Variants in PLEKHA5 observed in about 807,000 individuals in gnomAD.
PLEKHA5 encodes the protein pleckstrin homology domain-containing family A member 5.
PLEKHA5 carries 55 observed loss-of-function variants against 181.9 expected under a neutral mutation model. The ratio of observed to expected loss-of-function variants is 0.30; its 90% confidence interval spans 0.24 to 0.38. PLEKHA5 has a LOEUF of 0.38. Ranked by LOEUF, PLEKHA5 falls within the 10% of genes least tolerant of loss-of-function variation. The pLI, the probability that PLEKHA5 is intolerant of heterozygous loss-of-function variation, is 1.00. For missense variants in PLEKHA5, 1,432 were observed against 1,549.5 expected, an observed-to-expected ratio of 0.92 and a Z score of 1.27; for synonymous variants, 535 against 529.4, an observed-to-expected ratio of 1.01 and a Z score of -0.15.
At position 19,254,042 on chromosome 12, in the gene PLEKHA5, G is replaced by A. The variant is rs1423745414; in HGVS notation, c.311+19G>A. 2 of 1,404,034 alleles carry A rather than the reference G, an allele frequency of 1.4e-6. No individual in the cohort carries two copies. Among genetic ancestry groups the A allele is most frequent in the Non-Finnish European group, 2.0e-6 (2 of 1,006,388 alleles). 87.0% of individuals were successfully genotyped at this position (1,404,034 alleles called of 1,614,324 possible). ...ATGAACAGTAAGTAAAGAGTTTCAT[G>A]GAATGCCTGTATTCAAAATTGGGTT... On this transcript the variant is annotated intron_variant, in intron 4 of 31. Transcript: ENST00000429027.
At chr12:19,329,814 T>C (rs759843736) in intron 20 of PLEKHA5, among the ~76,000 whole-genome samples, 1 of 152,016 alleles carries the variant, frequency 6.6e-6, no homozygotes, top group Non-Finnish European at 1.5e-5. Context: ...TGGTGGCTCA[T>C]ACTTGTAATC....
intron 3 of PLEKHA5, among the ~76,000 whole-genome samples, chr12:19,220,330 A>G (rs2058741833): frequency 6.6e-6 from 1 of 152,080 alleles, no homozygotes; most frequent in Non-Finnish European, 1.5e-5. Context: ...TTCCAGATGA[A>G]ATGCCCAATA....
At chr12:19,289,370 G>A (rs115988105) in intron 13 of PLEKHA5, among the ~76,000 whole-genome samples, 9 of 152,270 alleles carry the variant, frequency 5.9e-5, no homozygotes, top group Non-Finnish European at 1.2e-4. Flanking sequence ...GAAAAGAATT[G>A]TCAGAAAATA....
In PLEKHA5 at chr12:19,206,195, A is replaced by AT. The variant is rs138003136; in HGVS notation, c.228-47736dup. On this transcript the variant is annotated intron_variant, in intron 3 of 31. Transcript: ENST00000429027. ...GATAATCTTATTTAAATGTTTTGTG[A>AT]TTTTTTTTTAAATCCAAAGTGTTCA... Among the ~76,000 whole-genome samples, 564 of 151,256 alleles carry AT rather than the reference A, an allele frequency of 3.7e-3. 5 individuals carry two copies. The highest frequency in any genetic ancestry group is 0.012 in the African/African-American group (476 of 41,346).
chr12:19,374,435 G>A (rs979994056), intron 31 of PLEKHA5, among the ~76,000 whole-genome samples: 3 of 151,994 alleles, frequency 2.0e-5, no homozygotes, highest in Non-Finnish European at 2.9e-5. Flanking sequence ...CGAGGCGGGC[G>A]GAACACAAGG....
chr12:19,233,506 A>C (rs1215731109), intron 3 of PLEKHA5, among the ~76,000 whole-genome samples: 6 of 152,140 alleles, frequency 3.9e-5, no homozygotes, highest in Non-Finnish European at 8.8e-5. Flanking sequence ...GTAAATTGGT[A>C]CCAATTTACG....
At chr12:19,175,714 G>A (rs1163909444) in intron 3 of PLEKHA5, among the ~76,000 whole-genome samples, 1 of 152,160 alleles carries the variant, frequency 6.6e-6, no homozygotes, top group Non-Finnish European at 1.5e-5. Flanking sequence ...ATTTGAAACA[G>A]TAAAGTGTAC....
chr12:19,160,528 A>G (rs1052953942), intron 3 of PLEKHA5, among the ~76,000 whole-genome samples: 2 of 152,158 alleles, frequency 1.3e-5, no homozygotes, highest in Non-Finnish European at 2.9e-5. Context: ...CTACCACTGT[A>G]TATGTAACTA....
intron 3 of PLEKHA5, among the ~76,000 whole-genome samples, chr12:19,197,409 C>T (rs182754426): frequency 1.3e-5 from 2 of 152,176 alleles, no homozygotes; most frequent in African/African-American, 2.4e-5. Flanking sequence ...TCTTTTTGTT[C>T]CCTTTTTGCT....
chr12:19,310,189 T>C (rs1197089856), intron 15 of PLEKHA5, among the ~76,000 whole-genome samples: 1 of 152,236 alleles, frequency 6.6e-6, no homozygotes, highest in Non-Finnish European at 1.5e-5. Context: ...ATCCTACGTG[T>C]ACTATTTAGT....
intron 3 of PLEKHA5, among the ~76,000 whole-genome samples, chr12:19,245,515 G>A (rs376108623): frequency 6.6e-5 from 10 of 151,878 alleles, no homozygotes; most frequent in African/African-American, 2.2e-4. Flanking sequence ...ATCACCTGAG[G>A]TCAGGAGTTC....
chr12:19,357,004 G>A lies in PLEKHA5; in HGVS notation c.3139-1224G>A, dbSNP rs138330763. Among the ~76,000 whole-genome samples, 981 of 132,404 alleles carry A rather than the reference G, an allele frequency of 7.4e-3. 8 individuals are homozygous for A. Among genetic ancestry groups the A allele is most frequent in the African/African-American group, 0.024 (925 of 38,484 alleles). 86.9% of individuals were successfully genotyped at this position (132,404 alleles called of 152,430 possible). A position where few individuals can be genotyped will look rare whatever the true frequency, so the allele number is the denominator to read the frequency against. ...TGATTTATAGAAAATAAGTGTTTTC[G>A]TAGTTTTATTACTGATGAGAAAGAA... On this transcript the variant is annotated intron_variant, in intron 26 of 31. Transcript: ENST00000429027.
At position 19,358,321 on chromosome 12, in the gene PLEKHA5, C is replaced by T; in HGVS notation, c.3232C>T (p.His1078Tyr). The T allele has an allele frequency of 1.9e-6, 3 of 1,613,598 alleles. No individual in the cohort carries two copies. Among genetic ancestry groups the T allele is most frequent in the Non-Finnish European group, 2.5e-6 (3 of 1,179,598 alleles). ...VEEQMERIRR[H>Y]QQACLREKKK... ...AGAGCAAATGGAAAGAATAAGAAGA[C>T]ATCAACAAGCGTGCCTGAGGGAGAA... The change falls in exon 27 of 32, where the codon CAT becomes TAT. Residue 1078 changes from histidine to tyrosine, a missense_variant. Physicochemically the swap from His to Tyr is moderately conservative, Grantham distance 83. This residue lies in a region of PLEKHA5 where 1,143 missense variants were observed against 1,168.4 expected (regional missense o/e 0.98). Transcript: ENST00000429027.
intron 11 of PLEKHA5, among the ~76,000 whole-genome samples, chr12:19,281,744 A>G (rs1479066484): frequency 6.7e-6 from 1 of 149,758 alleles, no homozygotes; most frequent in Admixed American, 6.8e-5. Flanking sequence ...ATAAACTCAA[A>G]AGAGTATGTT....
intron 3 of PLEKHA5, among the ~76,000 whole-genome samples, chr12:19,142,957 G>A (rs904906944): frequency 4.6e-5 from 7 of 152,062 alleles, no homozygotes; most frequent in African/African-American, 1.4e-4. Flanking sequence ...TGTCACAAAA[G>A]GCAAGGTCTC....
intron 3 of PLEKHA5, among the ~76,000 whole-genome samples, chr12:19,217,625 C>T (rs552555926): frequency 1.3e-4 from 20 of 152,218 alleles, no homozygotes; most frequent in African/African-American, 4.8e-4. Flanking sequence ...TGGGTCAGAG[C>T]TAAGGAGAAT....
intron 3 of PLEKHA5, chr12:19,176,450 G>C (rs1213955422): frequency 1.3e-5 from 2 of 151,940 alleles, no homozygotes; most frequent in Non-Finnish European, 2.9e-5. Context: ...GCTCCCAGGA[G>C]TTCAGCATAT....
chr12:19,334,829 A>AAAAAAAAAAAATATAT, intron 20 of PLEKHA5, among the ~76,000 whole-genome samples: 2 of 18,604 alleles, frequency 1.1e-4, no homozygotes, highest in Non-Finnish European at 2.9e-4. Flanking sequence ...AAAAAAAAAA[A>AAAAAAAAAAAATATAT]ATATATATAT....
intron 3 of PLEKHA5, among the ~76,000 whole-genome samples, chr12:19,156,446 G>A (rs2041749188): frequency 6.6e-6 from 1 of 151,812 alleles, no homozygotes; most frequent in South Asian, 2.1e-4. Context: ...AAGAAAGGAG[G>A]CAAAAGTTCA....
Sources: allele counts gnomAD v4.1 joint callset (sites outside exome capture counted in the v4.1 genomes callset), GRCh38; gene constraint gnomAD v4.1.1; regional missense constraint gnomAD v4.1.1; transcripts MANE v1.5; gene names NCBI Gene and HGNC (gene_info 2026-07-23, HGNC 2026-07-21).